AMD1: variants seen among roughly 807,000 people sequenced by gnomAD.
The protein encoded by AMD1 is adenosylmethionine decarboxylase 1.
In AMD1, 11 loss-of-function variants were observed where a neutral mutation model predicts 40.2. The ratio of observed to expected loss-of-function variants is 0.27; its 90% confidence interval spans 0.17 to 0.45. The LOEUF is 0.45. Among genes scored for constraint, AMD1 ranks in the 20% least tolerant of loss-of-function variants. AMD1 has a pLI of 1.00. For synonymous variants in AMD1, 121 were observed against 130.8 expected (o/e 0.93, Z 0.51); for missense variants, 257 against 410.2 (o/e 0.63, Z 3.23).
At position 110,893,500 on chromosome 6, in the gene AMD1, G is replaced by T; in HGVS notation, c.889G>T (p.Ala297Ser). 1.2e-6 allele frequency: 2 copies of T among 1,613,954 alleles called. No homozygotes were observed. The highest frequency in any genetic ancestry group is 1.7e-6 in the Non-Finnish European group (2 of 1,179,864). ...GAGTTCTAAATGTCGCACAGTGCTT[G>T]CTTCGCCCCAGAAGATTGAAGGTTT... Reference protein sequence around the residue: ...NQSSKCRTVLASPQKIEGFKR... With the variant: ...NQSSKCRTVLSSPQKIEGFKR... Residue 297 changes from alanine (A) to serine (S), a missense_variant, in exon 9 of 9, where the codon GCT (alanine) becomes TCT (serine). Coordinates refer to ENST00000368885, the MANE Select transcript of AMD1 (RefSeq NM_001634.6).
the AMD1 span, among the ~76,000 whole-genome samples, chr6:110,834,451 G>A: frequency 3.9e-5 from 6 of 152,156 alleles, no homozygotes; most frequent in African/African-American, 1.4e-4. Context: ...TATATCAAAT[G>A]TATAGACTAC....
At chr6:110,822,537 TC>T in the AMD1 span, among the ~76,000 whole-genome samples, 2 of 152,022 alleles carry the variant, frequency 1.3e-5, no homozygotes, top group East Asian at 3.9e-4. Context: ...GAAGGAATCT[TC>T]CCCAACTCAT....
the AMD1 span, among the ~76,000 whole-genome samples, chr6:110,847,094 A>G: frequency 6.6e-6 from 1 of 151,174 alleles, no homozygotes; most frequent in Non-Finnish European, 1.5e-5. Flanking sequence ...GTGTGTATAA[A>G]TTTATAAATT....
the AMD1 span, among the ~76,000 whole-genome samples, chr6:110,852,840 T>C: frequency 6.6e-6 from 1 of 152,204 alleles, no homozygotes; most frequent in Non-Finnish European, 1.5e-5. Flanking sequence ...AACATTTTAA[T>C]TCATTAATTA....
the AMD1 span, among the ~76,000 whole-genome samples, chr6:110,845,043 T>A: frequency 1.4e-5 from 2 of 147,508 alleles, no homozygotes; most frequent in Admixed American, 1.4e-4. Context: ...CAGACCTTTT[T>A]TTTTTTTTTT....
chr6:110,828,705 C>A, the AMD1 span, among the ~76,000 whole-genome samples: 1 of 152,126 alleles, frequency 6.6e-6, no homozygotes, highest in Non-Finnish European at 1.5e-5. Flanking sequence ...AAATTTGAAT[C>A]TGGAGGTAAA....
At chr6:110,882,990 A>G (rs79280791) in intron 1 of AMD1, among the ~76,000 whole-genome samples, 3,172 of 152,114 alleles carry the variant, frequency 0.021, 86 homozygotes, top group African/African-American at 0.074. Flanking sequence ...AGGTGTAGTG[A>G]TACATGCCCT....
the AMD1 span, chr6:110,859,029 A>G: frequency 3.1e-5 from 38 of 1,226,358 alleles, no homozygotes; most frequent in Non-Finnish European, 4.2e-5. Flanking sequence ...GGGCCGGCAG[A>G]TACATGACCC....
the AMD1 span, among the ~76,000 whole-genome samples, chr6:110,835,588 G>A: frequency 2.0e-5 from 3 of 151,990 alleles, no homozygotes; most frequent in South Asian, 2.1e-4. Context: ...AAATCAGGCC[G>A]GGCGCAGTGG....
the AMD1 span, among the ~76,000 whole-genome samples, chr6:110,828,957 G>A: frequency 6.6e-6 from 1 of 152,188 alleles, no homozygotes; most frequent in South Asian, 2.1e-4. Context: ...AGATAACAAA[G>A]TCAGGAGTTC....
the AMD1 span, among the ~76,000 whole-genome samples, chr6:110,841,682 C>T: frequency 6.6e-6 from 1 of 151,406 alleles, no homozygotes; most frequent in East Asian, 1.9e-4. Flanking sequence ...TTGCTTCCCT[C>T]CTTTATTCAG....
At chr6:110,851,288 G>A in the AMD1 span, among the ~76,000 whole-genome samples, 1 of 152,018 alleles carries the variant, frequency 6.6e-6, no homozygotes, top group East Asian at 1.9e-4. Context: ...TTTTAATAAA[G>A]AAGGGGTCTC....
intron 2 of AMD1, among the ~76,000 whole-genome samples, chr6:110,888,087 A>G (rs1375657138): frequency 6.6e-6 from 1 of 152,128 alleles, no homozygotes; most frequent in Non-Finnish European, 1.5e-5. Flanking sequence ...GGACAGTTCA[A>G]GGTGTTTGCC....
chr6:110,869,539 C>T, the AMD1 span, among the ~76,000 whole-genome samples: 1 of 140,948 alleles, frequency 7.1e-6, no homozygotes, highest in Admixed American at 7.3e-5. Context: ...CACAGAGTTT[C>T]ACTCTTGTTG....
At chr6:110,837,697 G>A in the AMD1 span, among the ~76,000 whole-genome samples, 6 of 106,928 alleles carry the variant, frequency 5.6e-5, no homozygotes, top group African/African-American at 1.9e-4. Flanking sequence ...GGTGACAAGA[G>A]CGAAACTCCA....
the AMD1 span, among the ~76,000 whole-genome samples, chr6:110,821,051 G>T: frequency 2.6e-5 from 4 of 152,168 alleles, no homozygotes; most frequent in Non-Finnish European, 5.9e-5. Context: ...TTTAATCTTC[G>T]CTGGTTAATG....
At chr6:110,885,778 C>T (rs1785647013) in intron 1 of AMD1, among the ~76,000 whole-genome samples, 1 of 152,172 alleles carries the variant, frequency 6.6e-6, no homozygotes, top group Non-Finnish European at 1.5e-5. Context: ...GCAAGCCTTT[C>T]ACATTAAAGA....
chr6:110,842,287 A>G, the AMD1 span, among the ~76,000 whole-genome samples: 1 of 152,212 alleles, frequency 6.6e-6, no homozygotes, highest in Non-Finnish European at 1.5e-5. Flanking sequence ...GAAGATAAAG[A>G]TGGTATATCC....
At chr6:110,865,757 TTC>T in the AMD1 span, among the ~76,000 whole-genome samples, 2 of 151,990 alleles carry the variant, frequency 1.3e-5, no homozygotes, top group East Asian at 3.9e-4. Flanking sequence ...TTTTCTTTTT[TTC>T]TTTCTTTCTT....
Sources: gnomAD v4.1 joint callset for allele counts (sites outside exome capture counted in the v4.1 genomes callset) on GRCh38, gnomAD v4.1.1 for gene constraint, MANE v1.5 for transcripts, NCBI Gene and HGNC (gene_info 2026-07-23, HGNC 2026-07-21) for gene names.